DNAH11: variants seen among roughly 807,000 people sequenced by gnomAD.
The protein encoded by DNAH11 is dynein axonemal heavy chain 11, also known as axonemal beta dynein heavy chain 11.
Under a neutral mutation model 526.0 loss-of-function variants are expected in DNAH11, and 442 were observed. The observed-to-expected ratio is 0.84, with a 90% CI of 0.78 to 0.91. The LOEUF (loss-of-function observed/expected upper bound fraction) is 0.91. DNAH11 is among the 40% of genes least tolerant of loss of function. The probability of loss-of-function intolerance (pLI) is 0.00; values close to 1 mark genes in which losing one functional copy is unlikely to be tolerated. For missense variants in DNAH11, 6,989 were observed against 5,448.7 expected (o/e 1.28, Z -8.90); for synonymous variants, 2,461 against 1,935.9 (o/e 1.27, Z -7.12).
intron 76 of DNAH11, among the ~76,000 whole-genome samples, chr7:21,891,511 T>G (rs1205284753): frequency 6.6e-6 from 1 of 152,236 alleles, no homozygotes; most frequent in Non-Finnish European, 1.5e-5. Context: ...TGATTGACTC[T>G]GTGTTTATGG....
intron 13 of DNAH11, 49 bp downstream of exon 13, chr7:21,591,071 A>G: frequency 7.3e-7 from 1 of 1,374,218 alleles, no homozygotes; most frequent in Non-Finnish European, 9.6e-7. Context: ...TTATGAATAT[A>G]AATATTTTGA....
chr7:21,791,750 T>C (rs1161006860), intron 61 of DNAH11, among the ~76,000 whole-genome samples: 4 of 152,212 alleles, frequency 2.6e-5, no homozygotes, highest in African/African-American at 9.6e-5. Context: ...AAATCTTAGT[T>C]CCCACCCTCT....
chr7:21,591,610 T>A, intron 14 of DNAH11, 33 bp downstream of exon 14: 1 of 1,497,940 alleles, frequency 6.7e-7, no homozygotes, highest in Non-Finnish European at 8.9e-7. Context: ...GATTTATAGA[T>A]CTTTTCATTG....
intron 61 of DNAH11, among the ~76,000 whole-genome samples, chr7:21,798,361 G>C (rs1166083213): frequency 6.6e-6 from 1 of 152,194 alleles, no homozygotes; most frequent in Non-Finnish European, 1.5e-5. Context: ...CTCCCAAAGT[G>C]CTGGGATTAC....
intron 8 of DNAH11, among the ~76,000 whole-genome samples, chr7:21,572,458 G>A (rs916279149): frequency 2.6e-5 from 4 of 152,136 alleles, no homozygotes; most frequent in Non-Finnish European, 5.9e-5. Context: ...ACAGGAAAGG[G>A]GGAACCTTTC....
At chr7:21,654,694 G>A (rs1282403849) in intron 28 of DNAH11, among the ~76,000 whole-genome samples, 12 of 152,184 alleles carry the variant, frequency 7.9e-5, no homozygotes, top group South Asian at 2.1e-4. Flanking sequence ...TATTTGCACC[G>A]TGAATAACAA....
Position 21,791,518 on chromosome 7 carries a change from T to G in DNAH11, c.10026+2176T>G, listed in dbSNP as rs140930515. Among the ~76,000 whole-genome samples, 719 of 152,316 alleles carry G rather than the reference T, an allele frequency of 4.7e-3. 6 individuals carry two copies. The highest frequency in any genetic ancestry group is 0.017 in the African/African-American group (697 of 41,572). ...TGCAAAGATAGTGTCCTGATGAGAC[T>G]TGTAAACAGCTCCTGCTCCCAAGAC... On this transcript the variant is annotated intron_variant, in intron 61 of 81. Coordinates refer to ENST00000409508, the MANE Select transcript of DNAH11 (RefSeq NM_001277115.2).
chr7:21,851,939 A>G (rs1307215958), intron 66 of DNAH11, among the ~76,000 whole-genome samples: 7 of 152,150 alleles, frequency 4.6e-5, no homozygotes, highest in Non-Finnish European at 1.0e-4. Flanking sequence ...ATGATGTTAA[A>G]TTATTGTTAA....
chr7:21,862,865 C>T (rs550548923), intron 69 of DNAH11, among the ~76,000 whole-genome samples: 67 of 152,152 alleles, frequency 4.4e-4, no homozygotes, highest in African/African-American at 1.6e-3. Flanking sequence ...GAGATTGAGA[C>T]CATCCTGGCT....
intron 66 of DNAH11, among the ~76,000 whole-genome samples, chr7:21,852,138 C>G (rs1366816621): frequency 6.6e-6 from 1 of 152,136 alleles, no homozygotes; most frequent in Non-Finnish European, 1.5e-5. Context: ...GGCGCAGTGG[C>G]TCACGCCTGT....
At chr7:21,584,762 A>C (rs77271252) in intron 9 of DNAH11, among the ~76,000 whole-genome samples, 1 of 152,112 alleles carries the variant, frequency 6.6e-6, no homozygotes, top group South Asian at 2.1e-4. Flanking sequence ...ATATGCATAC[A>C]TGTTTCTCTT....
At chr7:21,610,186 G>A (rs561501196) in intron 20 of DNAH11, among the ~76,000 whole-genome samples, 31 of 152,178 alleles carry the variant, frequency 2.0e-4, no homozygotes, top group Admixed American at 6.5e-5. Context: ...CCTGGGAGGT[G>A]TAGCTTGCAG....
Position 21,589,386 on chromosome 7 carries a change from G to T in DNAH11, c.2152G>T (p.Val718Phe). The T allele has an allele frequency of 6.2e-7, 1 of 1,601,520 alleles. No homozygotes were observed. The highest frequency in any genetic ancestry group is 1.1e-5 in the South Asian group (1 of 88,138). The part of the protein sequence containing the change: ...KFSAINGLLC[V>F]NFDPKLVAVL... ...CAGTGCCATAAATGGTCTTCTCTGT[G>T]TCAATTTTGACCCAAAGGTAGGGAT... The change falls in exon 12 of 82, where the codon GTC becomes TTC. Residue 718 changes from valine (V) to phenylalanine (F), a missense_variant. By Grantham distance (50) the Val-to-Phe change is conservative. Transcript: ENST00000409508.
intron 53 of DNAH11, 100 bp from the exon 54 acceptor site, chr7:21,750,122 G>A: frequency 7.2e-7 from 1 of 1,386,418 alleles, no homozygotes; most frequent in Non-Finnish European, 9.6e-7. Flanking sequence ...TACCATTTAT[G>A]CTGAACTTTG....
intron 62 of DNAH11, among the ~76,000 whole-genome samples, chr7:21,801,479 A>G (rs774413111): frequency 6.6e-5 from 10 of 152,222 alleles, no homozygotes; most frequent in East Asian, 3.8e-4. Flanking sequence ...CCTGAACTCA[A>G]TGTGCCATCA....
chr7:21,782,273 A>AG (rs1787979135), intron 57 of DNAH11, among the ~76,000 whole-genome samples: 1 of 152,158 alleles, frequency 6.6e-6, no homozygotes, highest in Non-Finnish European at 1.5e-5. Context: ...TTACAGTTGT[A>AG]GGGGGAAAGC....
chr7:21,591,480 G>A lies in DNAH11; in HGVS notation c.2570G>A (p.Arg857Gln), dbSNP rs376572966. ...CVLPPRREHR[R>Q]EAAFTLEDKG... Reference sequence around the variant, plus strand: ...CTACCTCCCAGGAGAGAGCACAGACGAGAGGCAGCCTTCACCTTGGAGGAC... The same window carrying A: ...CTACCTCCCAGGAGAGAGCACAGACAAGAGGCAGCCTTCACCTTGGAGGAC... Residue 857 changes from arginine to glutamine, a missense_variant, in exon 14 of 82, where the codon CGA becomes CAA. Transcript: ENST00000409508. The A allele has an allele frequency of 5.1e-5, 83 of 1,613,498 alleles. No individual in the cohort carries two copies. The highest frequency in any genetic ancestry group is 5.1e-4 in the African/African-American group (38 of 75,032).
chr7:21,588,024 C>T (rs763727959), intron 9 of DNAH11, 40 bp from the exon 10 acceptor site: 107 of 1,598,900 alleles, frequency 6.7e-5, no homozygotes, highest in African/African-American at 1.1e-4. Flanking sequence ...TTGTTAAAAA[C>T]TCATAGTGCT....
At chr7:21,778,760 T>C (rs1291589240) in intron 56 of DNAH11, among the ~76,000 whole-genome samples, 198 bp from the exon 57 acceptor site, 1 of 152,102 alleles carries the variant, frequency 6.6e-6, no homozygotes, top group Non-Finnish European at 1.5e-5. Flanking sequence ...CATTGGAAAA[T>C]ATTATTCTGT....
Sources: gnomAD v4.1 joint callset for allele counts (sites outside exome capture counted in the v4.1 genomes callset) on GRCh38, gnomAD v4.1.1 for gene constraint, MANE v1.5 for transcripts, NCBI Gene and HGNC (gene_info 2026-07-23, HGNC 2026-07-21) for gene names.